The following IPCEF1 variants were observed in gnomAD, a reference collection of about 807,000 sequenced individuals.
The protein encoded by IPCEF1 is interactor protein for cytohesin exchange factors 1.
In IPCEF1, 31 loss-of-function variants were observed where a neutral mutation model predicts 50.9. The observed-to-expected ratio is 0.61, with a 90% confidence interval of 0.46 to 0.82. IPCEF1 has a LOEUF of 0.82. Among genes scored for constraint, IPCEF1 ranks in the 40% least tolerant of loss-of-function variants. The probability of loss-of-function intolerance (pLI) is 0.00; values close to 1 mark genes in which losing one functional copy is unlikely to be tolerated. For missense variants in IPCEF1, 458 were observed against 514.0 expected (o/e 0.89, Z 1.05); for synonymous variants, 181 against 192.0 (o/e 0.94, Z 0.47).
chr6:154,252,369 G>GA (rs899327053), intron 3 of IPCEF1, among the ~76,000 whole-genome samples: 2 of 152,122 alleles, frequency 1.3e-5, no homozygotes, highest in African/African-American at 4.8e-5. Flanking sequence ...CTGTCAGTGT[G>GA]AAAAAACAAA....
intron 10 of IPCEF1, among the ~76,000 whole-genome samples, chr6:154,173,032 G>C (rs984815621): frequency 2.6e-5 from 4 of 152,238 alleles, no homozygotes; most frequent in African/African-American, 9.6e-5. Flanking sequence ...AACAGGGTCT[G>C]GAGTGCACCT....
chr6:154,289,659 C>A (rs1782461988), intron 2 of IPCEF1, 54 bp downstream of exon 2: 1 of 150,568 alleles, frequency 6.6e-6, no homozygotes, highest in Non-Finnish European at 1.5e-5. Flanking sequence ...CTTTTCAAGT[C>A]ATAAATATCA....
intron 1 of IPCEF1, among the ~76,000 whole-genome samples, chr6:154,297,893 C>T (rs1220342163): frequency 1.3e-5 from 2 of 152,188 alleles, no homozygotes; most frequent in Non-Finnish European, 2.9e-5. Flanking sequence ...CTTTATTAGG[C>T]ATGGATGAGA....
intron 5 of IPCEF1, among the ~76,000 whole-genome samples, chr6:154,228,074 C>T (rs938669570): frequency 6.6e-6 from 1 of 152,106 alleles, no homozygotes; most frequent in African/African-American, 2.4e-5. Flanking sequence ...CCTTTTCCTC[C>T]TCCTCCGCTT....
In IPCEF1 at chr6:154,275,862, C is replaced by A. The variant is rs185160818; in HGVS notation, c.-17-9898G>T. Among the ~76,000 whole-genome samples the A allele has an allele frequency of 3.1e-3, 465 of 152,264 alleles. 1 individual carries two copies. The highest frequency in any genetic ancestry group is 0.01 in the Middle Eastern group (3 of 294). ...GAGTTGGAGCCAAAACCCCTTTTGT[C>A]TGGCTAGATTTTTCCTTAAGAAATA... On this transcript the variant is annotated intron_variant, in intron 2 of 11. Transcript: ENST00000367220.
intron 10 of IPCEF1, among the ~76,000 whole-genome samples, chr6:154,195,267 C>T (rs1776511930): frequency 1.3e-5 from 2 of 151,818 alleles, no homozygotes; most frequent in South Asian, 4.2e-4. Flanking sequence ...CCTGCCTCAG[C>T]CTCCCGAGTA....
chr6:154,204,917 T>C (rs575684509), intron 9 of IPCEF1, among the ~76,000 whole-genome samples: 2 of 152,222 alleles, frequency 1.3e-5, no homozygotes, highest in South Asian at 4.1e-4. Context: ...CCTCCCTCCT[T>C]CTCCACTCCT....
intron 1 of IPCEF1, among the ~76,000 whole-genome samples, chr6:154,296,515 T>C (rs531505501): frequency 1.3e-5 from 2 of 152,128 alleles, no homozygotes; most frequent in African/African-American, 2.4e-5. Flanking sequence ...CCAAAACGTA[T>C]GTACCACCTA....
chr6:154,229,862 C>T (rs757460504), intron 5 of IPCEF1, among the ~76,000 whole-genome samples: 10 of 152,146 alleles, frequency 6.6e-5, no homozygotes, highest in East Asian at 1.9e-4. Context: ...CACAGCCATA[C>T]GACGAAATGC....
At chr6:154,345,669 T>C (rs1784013451) in intron 1 of IPCEF1, among the ~76,000 whole-genome samples, 4 of 152,186 alleles carry the variant, frequency 2.6e-5, no homozygotes, top group Admixed American at 2.6e-4. Context: ...TTGTCAATTC[T>C]TCACAGTATT....
intron 5 of IPCEF1, among the ~76,000 whole-genome samples, chr6:154,244,224 G>A (rs1024461732): frequency 1.3e-5 from 2 of 152,022 alleles, no homozygotes; most frequent in Non-Finnish European, 2.9e-5. Context: ...GAATATCACT[G>A]CTAATTAAGC....
chr6:154,211,924 T>TA (rs1324194270), intron 9 of IPCEF1, among the ~76,000 whole-genome samples: 3 of 152,160 alleles, frequency 2.0e-5, no homozygotes, highest in South Asian at 4.1e-4. Context: ...AGGAAAGACT[T>TA]AGACACTTCA....
At chr6:154,291,629 T>G (rs1379312524) in intron 1 of IPCEF1, among the ~76,000 whole-genome samples, 1 of 149,584 alleles carries the variant, frequency 6.7e-6, no homozygotes, top group Non-Finnish European at 1.5e-5. Flanking sequence ...ATGTACCTCC[T>G]AAGAGCAATG....
rs1782748843 is a variant in IPCEF1 at position 154,299,856 on chromosome 6, AAG to A, written c.-61-10102_-61-10101del. 1.4e-5 allele frequency among the ~76,000 whole-genome samples: 2 copies of A among 141,342 alleles called. 1 individual carries two copies. The allele number at this position is 141,342 out of a possible 152,430, so 92.7% of individuals were successfully genotyped here. Reference sequence around the variant, plus strand: ...GCAAATACCATAAAATGTTTAAAAAAAGAAAAGAAAAAAGAAAGTAGTCTATG... The same window carrying A: ...GCAAATACCATAAAATGTTTAAAAAAAAAAGAAAAAAGAAAGTAGTCTATG... On this transcript the variant is annotated intron_variant, in intron 1 of 11. Transcript: ENST00000367220.
chr6:154,206,522 C>A (rs1330726839), intron 9 of IPCEF1, among the ~76,000 whole-genome samples: 1 of 152,168 alleles, frequency 6.6e-6, no homozygotes, highest in Admixed American at 6.5e-5. Flanking sequence ...TGGGCACTGG[C>A]TCTGACTTTA....
intron 5 of IPCEF1, among the ~76,000 whole-genome samples, chr6:154,234,054 A>G (rs1372586008): frequency 6.6e-6 from 1 of 152,152 alleles, no homozygotes; most frequent in African/African-American, 2.4e-5. Context: ...AAAAACATAC[A>G]AAAATTAGCA....
intron 1 of IPCEF1, among the ~76,000 whole-genome samples, chr6:154,344,146 G>A (rs1025566330): frequency 3.9e-5 from 6 of 152,134 alleles, no homozygotes; most frequent in African/African-American, 1.4e-4. Flanking sequence ...CAGTTTTGGA[G>A]CACCTCTCCC....
chr6:154,337,745 T>C (rs1783818493), intron 1 of IPCEF1, among the ~76,000 whole-genome samples: 1 of 152,188 alleles, frequency 6.6e-6, no homozygotes, highest in East Asian at 1.9e-4. Context: ...AGGGCAAATG[T>C]ATGAACTCAG....
rs1358721886 is a variant in IPCEF1 at position 154,156,760 on chromosome 6, G to C, written c.*3068C>G. 1 of 152,176 alleles carries C rather than the reference G, an allele frequency of 6.6e-6. No homozygotes were observed. Among genetic ancestry groups the C allele is most frequent in the African/African-American group, 2.4e-5 (1 of 41,438 alleles). 9.4% of individuals were successfully genotyped at this position (152,176 alleles called of 1,614,324 possible). A position where few individuals can be genotyped will look rare whatever the true frequency, so the allele number is the denominator to read the frequency against. ...CTAAGAATTCTTTAAAGCAAAAGAC[G>C]CCCTTGCAATGCAGGGCTCAGAGTG... is the stretch of plus-strand genomic sequence containing the variant. On this transcript the variant is annotated 3_prime_UTR_variant, in exon 12 of 12. Transcript: ENST00000367220.
Sources: gnomAD v4.1 joint callset for allele counts (sites outside exome capture counted in the v4.1 genomes callset) on GRCh38, gnomAD v4.1.1 for gene constraint, MANE v1.5 for transcripts, NCBI Gene and HGNC (gene_info 2026-07-23, HGNC 2026-07-21) for gene names.